FRMPD4: variants seen among roughly 807,000 people sequenced by gnomAD.
The protein encoded by FRMPD4 is FERM and PDZ domain-containing protein 4.
In FRMPD4, 22 loss-of-function variants were observed where a neutral mutation model predicts 94.1. The ratio of observed to expected loss-of-function variants is 0.23; its 90% confidence interval spans 0.17 to 0.33. The LOEUF is 0.33. Ranked by LOEUF, FRMPD4 falls within the 10% of genes least tolerant of loss-of-function variation. The probability of loss-of-function intolerance (pLI) is 1.00; values close to 1 mark genes in which losing one functional copy is unlikely to be tolerated. For synonymous variants in FRMPD4, 631 were observed against 548.6 expected (o/e 1.15, Z -2.10); for missense variants, 1,111 against 1,339.9 (o/e 0.83, Z 2.67).
intron 1 of FRMPD4, among the ~76,000 whole-genome samples, chrX:12,244,376 G>T (rs2053924669): frequency 9.0e-6 from 1 of 111,637 alleles, no homozygotes; most frequent in Admixed American, 9.5e-5. Context: ...GCACTTAGTG[G>T]ATGGGGAGAT....
chrX:12,535,614 T>C (rs923152895), intron 2 of FRMPD4, among the ~76,000 whole-genome samples: 7 of 112,462 alleles, frequency 6.2e-5, no homozygotes, highest in Non-Finnish European at 1.3e-4. Flanking sequence ...CAACTGCAAA[T>C]AAGGGTAAAA....
intron 4 of FRMPD4, among the ~76,000 whole-genome samples, chrX:12,629,299 G>C (rs758050283): frequency 8.9e-6 from 1 of 112,131 alleles, no homozygotes; most frequent in African/African-American, 3.2e-5. Context: ...CAAAGAAATA[G>C]AGCTGCTGGA....
chrX:12,314,415 C>T (rs191360820), intron 1 of FRMPD4, among the ~76,000 whole-genome samples: 70 of 110,656 alleles, frequency 6.3e-4, no homozygotes, highest in African/African-American at 2.2e-3. Context: ...CCAAGAATCA[C>T]CTGGAGATCC....
intron 1 of FRMPD4, among the ~76,000 whole-genome samples, chrX:12,479,615 C>T (rs1183239791): frequency 9.3e-6 from 1 of 107,596 alleles, no homozygotes; most frequent in Non-Finnish European, 1.9e-5. Flanking sequence ...GATCTTCCCA[C>T]CTTGGCCTCC....
At chrX:12,107,333 A>T (rs1355223564) in intron 3 of FRMPD4, among the ~76,000 whole-genome samples, 1 of 112,208 alleles carries the variant, frequency 8.9e-6, no homozygotes, top group Non-Finnish European at 1.9e-5. Context: ...CCTGCAGCTG[A>T]GGGTCATGAC....
chrX:12,475,258 G>A (rs187513941), intron 1 of FRMPD4, among the ~76,000 whole-genome samples: 144 of 111,813 alleles, frequency 1.3e-3, no homozygotes, highest in African/African-American at 4.3e-3. Flanking sequence ...GACAAAATTC[G>A]ACAGCCCTTC....
At chrX:12,362,493 A>T (rs1489824489) in intron 1 of FRMPD4, among the ~76,000 whole-genome samples, 1 of 111,171 alleles carries the variant, frequency 9.0e-6, no homozygotes, top group Non-Finnish European at 1.9e-5. Flanking sequence ...TGCGAGAATG[A>T]TGGTTTCCAG....
At chrX:12,710,631 G>C (rs1305008685) in intron 14 of FRMPD4, 94 bp downstream of exon 14, 1 of 844,933 alleles carries the variant, frequency 1.2e-6, no homozygotes, top group Non-Finnish European at 1.7e-6. Context: ...GTTAAGGCCA[G>C]GCGCGGTGGC....
At chrX:12,034,464 A>G (rs112938070) in intron 3 of FRMPD4, among the ~76,000 whole-genome samples, 4 of 112,045 alleles carry the variant, frequency 3.6e-5, no homozygotes, top group African/African-American at 1.3e-4. Flanking sequence ...GAGCCCCAAT[A>G]TATCTAGCTA....
intron 1 of FRMPD4, among the ~76,000 whole-genome samples, chrX:12,139,232 C>T (rs1350624323): frequency 1.8e-5 from 2 of 110,860 alleles, no homozygotes; most frequent in Non-Finnish European, 3.8e-5. Context: ...TACATACATG[C>T]CCTCACCAAC....
chrX:11,978,137 A>C (rs1464514726), intron 3 of FRMPD4, among the ~76,000 whole-genome samples: 1 of 108,409 alleles, frequency 9.2e-6, no homozygotes. Context: ...CCTGGCTAAC[A>C]CGGTGAAACC....
At chrX:12,080,816 A>G (rs1569154853) in intron 3 of FRMPD4, among the ~76,000 whole-genome samples, 1 of 112,243 alleles carries the variant, frequency 8.9e-6, no homozygotes, top group Admixed American at 9.4e-5. Flanking sequence ...TCAATGCAAT[A>G]CTGTCATATG....
At chrX:12,576,363 C>T (rs1169063893) in intron 2 of FRMPD4, among the ~76,000 whole-genome samples, 1 of 112,773 alleles carries the variant, frequency 8.9e-6, no homozygotes, top group African/African-American at 3.2e-5. Context: ...GGAGAGGAAA[C>T]ATTTAAAAAA....
At chrX:12,537,454 CCTT>C (rs2058351714) in intron 2 of FRMPD4, among the ~76,000 whole-genome samples, 1 of 88,041 alleles carries the variant, frequency 1.1e-5, no homozygotes, top group Non-Finnish European at 2.2e-5. Context: ...TTTTTTTTTT[CCTT>C]TTTTTTTTTT....
At chrX:12,315,347 C>G (rs2055098475) in intron 1 of FRMPD4, among the ~76,000 whole-genome samples, 1 of 112,255 alleles carries the variant, frequency 8.9e-6, no homozygotes, top group African/African-American at 3.2e-5. Context: ...GGTTAATCTT[C>G]CATTTTGTTC....
intron 2 of FRMPD4, among the ~76,000 whole-genome samples, chrX:12,534,817 A>T (rs1206119983): frequency 3.6e-5 from 4 of 112,293 alleles, no homozygotes; most frequent in African/African-American, 1.3e-4. Context: ...GGCAGAAGGG[A>T]CTTGCCTTGT....
intron 3 of FRMPD4, among the ~76,000 whole-genome samples, chrX:12,065,821 G>A (rs1331932586): frequency 8.9e-6 from 1 of 112,119 alleles, no homozygotes; most frequent in Non-Finnish European, 1.9e-5. Context: ...TATATGTTTA[G>A]AAATCCAAAT....
chrX:12,547,408 C>A (rs2058490298), intron 2 of FRMPD4, among the ~76,000 whole-genome samples: 1 of 111,844 alleles, frequency 8.9e-6, no homozygotes, highest in Non-Finnish European at 1.9e-5. Context: ...ATGGTTTTAC[C>A]AATTTTAGAG....
intron 3 of FRMPD4, among the ~76,000 whole-genome samples, chrX:11,967,370 CTGTTA>C (rs2054314787): frequency 8.9e-6 from 1 of 112,434 alleles, no homozygotes; most frequent in African/African-American, 3.2e-5. Context: ...ATGTACAGCA[CTGTTA>C]TAAGACGAGG....
Sources: allele counts gnomAD v4.1 joint callset (sites outside exome capture counted in the v4.1 genomes callset), GRCh38; gene constraint gnomAD v4.1.1; transcripts MANE v1.5; gene names NCBI Gene and HGNC (gene_info 2026-07-23, HGNC 2026-07-21).